Variants in SCARB2 observed in about 807,000 individuals in gnomAD.
SCARB2 encodes the protein lysosome membrane protein 2.
SCARB2 carries 29 observed loss-of-function variants against 58.6 expected under a neutral mutation model. That is an observed-to-expected ratio of 0.49 (90% CI 0.37 to 0.67). SCARB2 has a LOEUF of 0.67. Ranked by LOEUF, SCARB2 falls within the 30% of genes least tolerant of loss-of-function variation. The pLI is 0.00. For synonymous variants in SCARB2, 195 were observed against 210.1 expected, an observed-to-expected ratio of 0.93 and a Z score of 0.62; for missense variants, 488 against 578.5, an observed-to-expected ratio of 0.84 and a Z score of 1.60.
intron 1 of SCARB2, among the ~76,000 whole-genome samples, chr4:76,197,889 C>T (rs1560717102): frequency 6.6e-6 from 1 of 151,634 alleles, no homozygotes; most frequent in Non-Finnish European, 1.5e-5. Context: ...AAAAATGTTC[C>T]CTTATCTTTT....
In SCARB2 at chr4:76,199,866, C is replaced by T. The variant is rs577901350; in HGVS notation, c.118-4002G>A. Among the ~76,000 whole-genome samples, 8 of 152,290 alleles carry T rather than the reference C, an allele frequency of 5.3e-5. No homozygotes were observed. The East Asian group carries it at 1.4e-3, about 26-fold the overall frequency. On this transcript the variant is annotated intron_variant, in intron 1 of 11. Coordinates refer to ENST00000264896, the MANE Select transcript of SCARB2 (RefSeq NM_005506.4). Reference sequence around the variant, plus strand: ...GCGCAGCCCCAGTATGCTAATGGGTCCAAAGAAAGCACCTCAACCTCCTGC... The same window carrying T: ...GCGCAGCCCCAGTATGCTAATGGGTTCAAAGAAAGCACCTCAACCTCCTGC...
At chr4:76,216,409 A>G (rs1733208661), upstream of SCARB2, among the ~76,000 whole-genome samples, 1 of 152,158 alleles carries the variant, frequency 6.6e-6, no homozygotes, top group African/African-American at 2.4e-5. Context: ...TCTGACTGCT[A>G]CAATCAGATT....
At chr4:76,232,041 A>C (rs1194115475) in intron 1 of SCARB2, among the ~76,000 whole-genome samples, 1 of 152,234 alleles carries the variant, frequency 6.6e-6, no homozygotes, top group Non-Finnish European at 1.5e-5. Flanking sequence ...TATTGCCATA[A>C]GTTATGAATA....
At chr4:76,209,664 G>A (rs1733000190) in intron 1 of SCARB2, among the ~76,000 whole-genome samples, 1 of 152,218 alleles carries the variant, frequency 6.6e-6, no homozygotes, top group Admixed American at 6.5e-5. Context: ...ACCACGCCTG[G>A]CCTATATTTT....
At chr4:76,216,641 T>A (rs918170134), upstream of SCARB2, among the ~76,000 whole-genome samples, 6 of 152,232 alleles carry the variant, frequency 3.9e-5, no homozygotes, top group African/African-American at 1.4e-4. Context: ...AACAAGGGTT[T>A]ACAGCTCAAG....
Position 76,213,653 on chromosome 4 carries a change from G to T in SCARB2, c.-110C>A. The T allele has an allele frequency of 1.2e-6, 1 of 816,008 alleles. No homozygotes were observed. Among genetic ancestry groups the T allele is most frequent in the Non-Finnish European group, 2.0e-6 (1 of 500,334 alleles). The allele number at this position is 816,008 out of a possible 1,614,324, so 50.5% of individuals were successfully genotyped here. On this transcript the variant is annotated 5_prime_UTR_variant, in exon 1 of 12. Coordinates refer to ENST00000264896, the MANE Select transcript of SCARB2 (RefSeq NM_005506.4). Reference sequence around the variant, plus strand: ...AAGACCCGGGACCCTTCGGCGCCACGCCCACGCCCTCCCGGCGCACGGTTC... The same window carrying T: ...AAGACCCGGGACCCTTCGGCGCCACTCCCACGCCCTCCCGGCGCACGGTTC...
At chr4:76,166,575 G>A in intron 9 of SCARB2, 1 of 523,194 alleles carries the variant, frequency 1.9e-6, no homozygotes. Context: ...ATCAGGGAAG[G>A]CTCCAGTCGA....
intron 2 of SCARB2, chr4:76,194,795 T>C (rs1035742903): frequency 2.0e-5 from 3 of 152,186 alleles, no homozygotes; most frequent in East Asian, 3.9e-4. Context: ...AAGGGGAACA[T>C]TGCAACAGAG....
In SCARB2 at chr4:76,180,997, T is replaced by G; in HGVS notation, c.380A>C (p.Asp127Ala). 6.2e-7 allele frequency: 1 copy of G among 1,613,658 alleles called. No homozygotes were observed. Among genetic ancestry groups the G allele is most frequent in the Non-Finnish European group, 8.5e-7 (1 of 1,179,826 alleles). The change falls in exon 3 of 12, where the codon GAC becomes GCC. Residue 127 changes from aspartate (D) to alanine (A), a missense_variant. By Grantham distance (126) the Asp-to-Ala change is moderately radical (BLOSUM62 -2). Coordinates refer to ENST00000264896, the MANE Select transcript of SCARB2 (RefSeq NM_005506.4). ...YVFERDQSVG[D>A]PKIDLIRTLN... ...TGTTCTAATTAAGTCAATTTTAGGG[T>G]CTCCAACAGATTGGTCTCGTTCAAA...
intron 1 of SCARB2, among the ~76,000 whole-genome samples, chr4:76,229,633 C>T (rs1733458880): frequency 6.6e-6 from 1 of 152,194 alleles, no homozygotes; most frequent in Non-Finnish European, 1.5e-5. Context: ...CCACCCAGTG[C>T]AGCTACCAGG....
chr4:76,163,559 ATCTTG>A, intron 10 of SCARB2, 176 bp from the exon 11 acceptor site: 1 of 666,602 alleles, frequency 1.5e-6, no homozygotes, highest in East Asian at 2.7e-5. Flanking sequence ...ATTCATTAAT[ATCTTG>A]TCTTCTCCTG....
At chr4:76,186,280 C>A (rs1025274232) in intron 2 of SCARB2, among the ~76,000 whole-genome samples, 1 of 151,924 alleles carries the variant, frequency 6.6e-6, no homozygotes, top group African/African-American at 2.4e-5. Context: ...AGCGGTGGGG[C>A]GAAGGTGGGC....
At chr4:76,230,261 G>A (rs1733470331) in intron 1 of SCARB2, among the ~76,000 whole-genome samples, 1 of 152,058 alleles carries the variant, frequency 6.6e-6, no homozygotes, top group African/African-American at 2.4e-5. Context: ...TGTTCCAGAG[G>A]GGATTATGGC....
At chr4:76,213,995 C>T (rs1258528263), upstream of SCARB2, 4 of 217,892 alleles carry the variant, frequency 1.8e-5, no homozygotes, top group Non-Finnish European at 3.7e-5. Flanking sequence ...CCCGGTGGCC[C>T]TGAGTGGCTG....
intron 4 of SCARB2, chr4:76,179,102 G>T: frequency 5.3e-6 from 1 of 190,222 alleles, no homozygotes; most frequent in Non-Finnish European, 1.1e-5. Context: ...CACCCTGGCT[G>T]GAGTACAGTG....
chr4:76,211,802 G>A (rs1336205191), intron 1 of SCARB2, among the ~76,000 whole-genome samples: 3 of 152,142 alleles, frequency 2.0e-5, no homozygotes, highest in Admixed American at 6.5e-5. Context: ...ACTGAAACTA[G>A]CCCTGTCCTT....
At chr4:76,223,445 C>G (rs886354492) in intron 1 of SCARB2, among the ~76,000 whole-genome samples, 1 of 152,200 alleles carries the variant, frequency 6.6e-6, no homozygotes, top group Admixed American at 6.5e-5. Context: ...TGTGAGAAGA[C>G]AGCAGAATCC....
chr4:76,166,599 T>G, intron 9 of SCARB2: 1 of 482,764 alleles, frequency 2.1e-6, no homozygotes, highest in Non-Finnish European at 3.8e-6. Flanking sequence ...AACAAAACTG[T>G]CACTCCTCAG....
intron 1 of SCARB2, among the ~76,000 whole-genome samples, chr4:76,224,475 G>A (rs976347367): frequency 2.0e-5 from 3 of 152,128 alleles, no homozygotes; most frequent in African/African-American, 7.2e-5. Flanking sequence ...TGTTGTAAAG[G>A]TGGCAGGAGA....
Sources: allele counts gnomAD v4.1 joint callset (sites outside exome capture counted in the v4.1 genomes callset), GRCh38; gene constraint gnomAD v4.1.1; transcripts MANE v1.5; gene names NCBI Gene and HGNC (gene_info 2026-07-23, HGNC 2026-07-21).